DOK1: variants seen among roughly 807,000 people sequenced by gnomAD.
DOK1 encodes Downstream of tyrosine kinase 1.
In DOK1, 12 loss-of-function variants were observed where a neutral mutation model predicts 24.0. The observed-to-expected ratio is 0.50, with a 90% CI of 0.32 to 0.81. The LOEUF (loss-of-function observed/expected upper bound fraction) is 0.81, where lower values mean the gene tolerates loss of function less well. DOK1 is among the 30% of genes least tolerant of loss of function. The pLI is 0.03. For synonymous variants in DOK1, 250 were observed against 260.9 expected (o/e 0.96, Z 0.40); for missense variants, 591 against 620.7 (o/e 0.95, Z 0.51).
rs780753165 is a variant in DOK1, at chr2:74,556,428, G to T, written c.760G>T (p.Ala254Ser). The T allele has an allele frequency of 3.3e-5, 53 of 1,614,152 alleles. 1 individual carries two copies. In the East Asian group the frequency reaches 6.5e-4, roughly 20 times the overall value. Residue 254 changes from alanine to serine, a missense_variant, in exon 5 of 5, where the codon GCC becomes TCC. By Grantham distance (99) the Ala-to-Ser change is moderately conservative. Transcript: ENST00000233668. The surrounding 1 kb of genome is among the most constrained non-coding windows in gnomAD (Gnocchi z 4.1). ...AVETAIHRQK[A>S]QGKAGQGHDV... ...TGAGACTGCCATCCACCGGCAGAAG[G>T]CCCAGGGAAAGGCCGGACAGGGGCA...
At chr2:74,550,094 G>T (rs987054821), upstream of DOK1, 4 of 1,501,798 alleles carry the variant, frequency 2.7e-6, no homozygotes, top group Admixed American at 4.6e-5. Flanking sequence ...ATCCCCCAGG[G>T]GTAACTACCT....
Position 74,556,560 on chromosome 2 carries a change from G to C in DOK1, c.892G>C (p.Glu298Gln). ...CGACAGTCCCCCAGCCCTGTATGCT[G>C]AGCCCTTAGACTCCCTGCGCATTGC... The part of the protein sequence containing the change: ...LLDSPPALYA[E>Q]PLDSLRIAPC... Residue 298 changes from glutamate (E) to glutamine (Q), a missense_variant, in exon 5 of 5, where the codon GAG becomes CAG. Physicochemically the swap from Glu to Gln is conservative, Grantham distance 29. Coordinates refer to ENST00000233668, the MANE Select transcript of DOK1 (RefSeq NM_001381.5). This position sits in a 1 kb window ranked among gnomAD's most constrained non-coding sequence, Gnocchi z 4.1. 2.5e-6 allele frequency: 4 copies of C among 1,614,220 alleles called. No homozygotes were observed. The highest frequency in any genetic ancestry group is 3.4e-6 in the Non-Finnish European group (4 of 1,180,044).
At position 74,557,307 on chromosome 2, in the gene DOK1, G is replaced by A. The variant is rs1304176731; in HGVS notation, c.*193G>A. On this transcript the variant is annotated 3_prime_UTR_variant, in exon 5 of 5. Transcript: ENST00000233668. Reference sequence around the variant, plus strand: ...TCCTAAGAAGTGGGGCAGATGGCAGGGCTGAGGATGGGCTCTGCATCCCCC... The same window carrying A: ...TCCTAAGAAGTGGGGCAGATGGCAGAGCTGAGGATGGGCTCTGCATCCCCC... The A allele has an allele frequency of 5.7e-5, 33 of 582,612 alleles. No homozygotes were observed. The highest frequency in any genetic ancestry group is 3.4e-4 in the Admixed American group (11 of 32,634). 36.1% of individuals were successfully genotyped at this position (582,612 alleles called of 1,614,324 possible). A position where few individuals can be genotyped will look rare whatever the true frequency, so the allele number is the denominator to read the frequency against.
chr2:74,552,757 G>C (rs1449501331), upstream of DOK1: 4 of 909,998 alleles, frequency 4.4e-6, no homozygotes, highest in African/African-American at 5.0e-5. Flanking sequence ...GTAAGACAGA[G>C]ACAGCGAGAG....
upstream of DOK1, among the ~76,000 whole-genome samples, chr2:74,553,391 A>T (rs974368846): frequency 1.3e-5 from 2 of 152,194 alleles, no homozygotes; most frequent in African/African-American, 4.8e-5. Context: ...CAAGAGGCCC[A>T]GGAGGGCCAG....
rs200708921 is a variant in DOK1 at position 74,556,681 on chromosome 2, G to A, written c.1013G>A (p.Trp338Ter). Residue 338 changes from tryptophan to a stop codon, truncating the protein, a stop_gained, in exon 5 of 5, where the codon TGG (tryptophan) becomes TAG (stop). Transcript: ENST00000233668. LOFTEE classifies it high-confidence loss of function. This position sits in a 1 kb window ranked among gnomAD's most constrained non-coding sequence, Gnocchi z 4.1. ...GTACAACGGAAGAAACCTCTCTATT[G>A]GGACTTGTATGAGCATGCGCAGCAG... ...EGVQRKKPLY[W>*]DLYEHAQQQL... The A allele has an allele frequency of 6.2e-7, 1 of 1,614,120 alleles. No homozygotes were observed. The highest frequency in any genetic ancestry group is 8.5e-7 in the Non-Finnish European group (1 of 1,180,054).
chr2:74,550,934 G>GTTT (rs1030182702), upstream of DOK1, among the ~76,000 whole-genome samples: 3 of 135,402 alleles, frequency 2.2e-5, no homozygotes, highest in Non-Finnish European at 4.8e-5. Flanking sequence ...TCTGAAACCT[G>GTTT]TTTTTTTTTT....
At chr2:74,549,931 G>A (rs375697517), upstream of DOK1, 3 of 985,446 alleles carry the variant, frequency 3.0e-6, no homozygotes, top group African/African-American at 5.2e-5. The surrounding 1 kb of genome is among the most constrained non-coding windows in gnomAD (Gnocchi z 5.3). Flanking sequence ...AGGAGAAGGA[G>A]AGCACCAGGT....
At position 74,555,675 on chromosome 2, in the gene DOK1, G is replaced by A; in HGVS notation, c.454+7G>A. The A allele has an allele frequency of 6.2e-7, 1 of 1,613,786 alleles. No individual in the cohort carries two copies. ...TACAGCCCTACCTGGGAAGGTAGAC[G>A]CCTCAGAAGCCCGGGCAGGGATGGA... On this transcript the variant is annotated splice_region_variant and intron_variant, in intron 3 of 4. Transcript: ENST00000233668. This position sits in a 1 kb window ranked among gnomAD's most constrained non-coding sequence, Gnocchi z 6.1.
At position 74,549,531 on chromosome 2, in the gene DOK1, C is replaced by T. The variant is rs776786029; in HGVS notation, c.-358+359C>T. 1.2e-6 allele frequency: 2 copies of T among 1,612,974 alleles called. No individual in the cohort carries two copies. The highest frequency in any genetic ancestry group is 1.7e-6 in the Non-Finnish European group (2 of 1,179,238). On this transcript the variant is annotated intron_variant, in intron 1 of 4. Coordinates refer to the DOK1 transcript ENST00000409429. This position sits in a 1 kb window ranked among gnomAD's most constrained non-coding sequence, Gnocchi z 5.3. ...CGTCACGGGCAGGGGTCGTCTGCCC[C>T]ACCCAACGGCGGGTCGAATTCGCAC...
Position 74,556,956 on chromosome 2 carries a change from T to A in DOK1, c.1288T>A (p.Phe430Ile). The A allele has an allele frequency of 5.0e-6, 8 of 1,614,150 alleles. No individual in the cohort carries two copies. Among genetic ancestry groups the A allele is most frequent in the Non-Finnish European group, 6.8e-6 (8 of 1,179,998 alleles). Residue 430 changes from phenylalanine to isoleucine, a missense_variant, in exon 5 of 5, where the codon TTC (phenylalanine) becomes ATC (isoleucine). Phe to Ile is a conservative substitution (Grantham distance 21, BLOSUM62 0). Coordinates refer to ENST00000233668, the MANE Select transcript of DOK1 (RefSeq NM_001381.5). The surrounding 1 kb of genome is among the most constrained non-coding windows in gnomAD (Gnocchi z 4.1). ...TGCTCCCAAGCCCCAGGGCCCAGCC[T>A]TCCCTGAACCTGGTACTGCAACTGG... ...LLAPKPQGPAFPEPGTATGSG... is the reference protein window; with the variant it reads ...LLAPKPQGPAIPEPGTATGSG...
At chr2:74,549,807 C>T (rs1232314339), upstream of DOK1, 22 of 1,410,438 alleles carry the variant, frequency 1.6e-5, no homozygotes, top group Non-Finnish European at 1.8e-6. This position sits in a 1 kb window ranked among gnomAD's most constrained non-coding sequence, Gnocchi z 5.3. Flanking sequence ...ATTCAGGGCA[C>T]TAGGAAGGAG....
Position 74,556,007 on chromosome 2 carries a change from GC to G in DOK1, c.571del (p.Gln191ArgfsTer110). 6.2e-7 allele frequency: 1 copy of G among 1,613,742 alleles called. No homozygotes were observed. Among genetic ancestry groups the G allele is most frequent in the Non-Finnish European group, 8.5e-7 (1 of 1,179,840 alleles). On this transcript the variant is annotated frameshift_variant, in exon 4 of 5. Transcript: ENST00000233668. LOFTEE classifies it high-confidence loss of function. The surrounding 1 kb of genome is among the most constrained non-coding windows in gnomAD (Gnocchi z 4.1). ...AERLTLLTVG[A>X]QSQILEPLLS... Reference sequence around the variant, plus strand: ...AAGGCTGACTCTCCTGACCGTGGGGGCCCAGAGTCAGATACTGGAGCCACTC... The same window carrying G: ...AAGGCTGACTCTCCTGACCGTGGGGGCCAGAGTCAGATACTGGAGCCACTC...
At chr2:74,550,453 A>C (rs964240543), upstream of DOK1, 44 of 1,225,308 alleles carry the variant, frequency 3.6e-5, no homozygotes, top group African/African-American at 6.2e-4. Context: ...CTTGGCCATG[A>C]TGATCCCATC....
chr2:74,555,699 G>A lies in DOK1; in HGVS notation c.454+31G>A. ...CGCCTCAGAAGCCCGGGCAGGGATGGAGTGAAGAGGAGGAGGGCCGAGGGC... is the reference window on the plus strand; with the variant it reads ...CGCCTCAGAAGCCCGGGCAGGGATGAAGTGAAGAGGAGGAGGGCCGAGGGC... On this transcript the variant is annotated intron_variant, in intron 3 of 4. Coordinates refer to ENST00000233668, the MANE Select transcript of DOK1 (RefSeq NM_001381.5). This position sits in a 1 kb window ranked among gnomAD's most constrained non-coding sequence, Gnocchi z 6.1. 6.2e-7 allele frequency: 1 copy of A among 1,613,002 alleles called. No homozygotes were observed. The highest frequency in any genetic ancestry group is 8.5e-7 in the Non-Finnish European group (1 of 1,179,714).
chr2:74,553,320 C>T (rs968267653), upstream of DOK1, among the ~76,000 whole-genome samples: 3 of 152,162 alleles, frequency 2.0e-5, no homozygotes, highest in African/African-American at 7.2e-5. Flanking sequence ...CACCAAAGCT[C>T]GCCTGGAGAA....
At chr2:74,550,253 C>G (rs759306602), upstream of DOK1, 4 of 1,614,198 alleles carry the variant, frequency 2.5e-6, no homozygotes, top group Non-Finnish European at 3.4e-6. Context: ...GCATCCTCAT[C>G]GTGCGTACAG....
At chr2:74,552,582 A>AGCT, upstream of DOK1, 1 of 1,602,304 alleles carries the variant, frequency 6.2e-7, no homozygotes, top group Non-Finnish European at 8.5e-7. Context: ...ACTGCACAGC[A>AGCT]GGCACAGCAG....
upstream of DOK1, chr2:74,552,785 G>GC (rs36019383): frequency 5.9e-3 from 4,299 of 733,780 alleles, 130 homozygotes; most frequent in African/African-American, 0.068. Flanking sequence ...GAGAGAAAGA[G>GC]CCCCAGGGAC....
Sources: allele counts gnomAD v4.1 joint callset (sites outside exome capture counted in the v4.1 genomes callset), GRCh38; gene constraint gnomAD v4.1.1; non-coding constraint Gnocchi (gnomAD v3.1); transcripts MANE v1.5; gene names NCBI Gene and HGNC (gene_info 2026-07-23, HGNC 2026-07-21).